The following WDR72 variants were observed in gnomAD, a reference collection of about 807,000 sequenced individuals.
WDR72 encodes the protein WD repeat-containing protein 72.
Under a neutral mutation model 124.2 loss-of-function variants are expected in WDR72, and 120 were observed. The observed-to-expected ratio is 0.97, with a 90% CI of 0.83 to 1.12. The LOEUF (loss-of-function observed/expected upper bound fraction) is 1.12, where lower values mean the gene tolerates loss of function less well. Among genes scored for constraint, WDR72 ranks in the 50% most tolerant of loss-of-function variants. The pLI is 0.00. For synonymous variants in WDR72, 452 were observed against 441.7 expected (o/e 1.02, Z -0.29); for missense variants, 1,387 against 1,278.8 (o/e 1.08, Z -1.29).
At chr15:53,582,120 C>T (rs1032707228) in intron 18 of WDR72, among the ~76,000 whole-genome samples, 1 of 151,956 alleles carries the variant, frequency 6.6e-6, no homozygotes, top group Non-Finnish European at 1.5e-5. Flanking sequence ...TACCATTAGT[C>T]ACTCCTGTAT....
intron 14 of WDR72, 63 bp downstream of exon 14, chr15:53,665,509 T>C (rs1459877370): frequency 3.2e-6 from 5 of 1,568,528 alleles, no homozygotes; most frequent in East Asian, 4.5e-5. Flanking sequence ...TATTTATGAA[T>C]GCATATAACT....
intron 17 of WDR72, among the ~76,000 whole-genome samples, chr15:53,599,818 A>C (rs1268347361): frequency 6.6e-6 from 1 of 152,194 alleles, no homozygotes; most frequent in Non-Finnish European, 1.5e-5. Context: ...TTTTAATTTA[A>C]TATTTCTAAT....
chr15:53,699,383 G>A (rs2017097387), intron 13 of WDR72, among the ~76,000 whole-genome samples: 1 of 152,162 alleles, frequency 6.6e-6, no homozygotes, highest in Non-Finnish European at 1.5e-5. Context: ...AGCTCAAAAT[G>A]TTGCTGAGAT....
chr15:53,668,352 T>C (rs1240681459), intron 13 of WDR72, among the ~76,000 whole-genome samples: 2 of 152,208 alleles, frequency 1.3e-5, no homozygotes, highest in Admixed American at 1.3e-4. Context: ...ATAAACTACA[T>C]GTTCAAAGCA....
intron 16 of WDR72, among the ~76,000 whole-genome samples, chr15:53,611,223 CCTTT>C (rs751142725): frequency 2.0e-5 from 3 of 152,210 alleles, no homozygotes; most frequent in Non-Finnish European, 4.4e-5. Context: ...GTCAATACTT[CCTTT>C]CTTTAACCTT....
At chr15:53,631,501 A>C (rs181469393) in intron 14 of WDR72, among the ~76,000 whole-genome samples, 88 of 152,334 alleles carry the variant, frequency 5.8e-4, no homozygotes, top group Admixed American at 2.0e-3. Context: ...TGAAAATGTG[A>C]AAGCAGCTTT....
In WDR72 at chr15:53,699,885, G is replaced by A; in HGVS notation, c.1630C>T (p.Leu544Phe). Reference sequence around the variant, plus strand: ...TGCAGGAGGCAACTCTTTCCCTCAAGGTGAAGGAGAGCCACGGAATGGTCA... The same window carrying A: ...TGCAGGAGGCAACTCTTTCCCTCAAAGTGAAGGAGAGCCACGGAATGGTCA... ...CGDHSVALLH[L>F]EGKSCLLHAR... The change falls in exon 13 of 20, where the codon CTT becomes TTT. Residue 544 changes from leucine (L) to phenylalanine (F), a missense_variant. Physicochemically the swap from Leu to Phe is conservative, Grantham distance 22. Coordinates refer to ENST00000360509, the MANE Select transcript of WDR72 (RefSeq NM_182758.4). 6.2e-7 allele frequency: 1 copy of A among 1,614,120 alleles called. No individual in the cohort carries two copies. Among genetic ancestry groups the A allele is most frequent in the Non-Finnish European group, 8.5e-7 (1 of 1,180,034 alleles).
intron 14 of WDR72, among the ~76,000 whole-genome samples, chr15:53,621,675 A>G (rs1055887051): frequency 5.9e-5 from 9 of 152,102 alleles, no homozygotes; most frequent in African/African-American, 4.8e-5. Flanking sequence ...ATAAAAGACT[A>G]CAAGTGTGTG....
At chr15:53,742,080 C>A (rs1405769063) in intron 1 of WDR72, among the ~76,000 whole-genome samples, 1 of 152,096 alleles carries the variant, frequency 6.6e-6, no homozygotes. Context: ...TGAGAAAGAC[C>A]AAATGAATTG....
intron 19 of WDR72, among the ~76,000 whole-genome samples, chr15:53,520,227 T>C (rs577513478): frequency 6.6e-6 from 1 of 152,208 alleles, no homozygotes; most frequent in South Asian, 2.1e-4. Context: ...GAACTGTGTT[T>C]GCATGGAAAA....
chr15:53,589,150 A>G (rs1308395557), intron 18 of WDR72, among the ~76,000 whole-genome samples: 1 of 151,954 alleles, frequency 6.6e-6, no homozygotes, highest in Non-Finnish European at 1.5e-5. Flanking sequence ...CAAGAGTGAA[A>G]TAACTATCAC....
intron 18 of WDR72, among the ~76,000 whole-genome samples, chr15:53,551,313 CA>C (rs1287240521): frequency 6.1e-4 from 93 of 152,154 alleles, no homozygotes; most frequent in African/African-American, 2.1e-3. Context: ...ATCCTAAATG[CA>C]ATGAGAAGAT....
chr15:53,601,227 T>C (rs1183909398), intron 17 of WDR72, among the ~76,000 whole-genome samples: 1 of 152,000 alleles, frequency 6.6e-6, no homozygotes, highest in Non-Finnish European at 1.5e-5. Flanking sequence ...ATAAAAGGAA[T>C]TGCAACCCAG....
At chr15:53,593,278 T>A (rs1906440) in intron 18 of WDR72, among the ~76,000 whole-genome samples, 125,629 of 152,018 alleles carry the variant, frequency 0.83, 52,147 homozygotes, top group Middle Eastern at 0.94. Flanking sequence ...TGATTTTTAG[T>A]TCAAACTGAT....
chr15:53,578,298 T>C (rs892414499), intron 18 of WDR72, among the ~76,000 whole-genome samples: 1 of 152,050 alleles, frequency 6.6e-6, no homozygotes, highest in African/African-American at 2.4e-5. Context: ...TTAGGTCACT[T>C]AACATATACT....
At chr15:53,693,834 A>G (rs2061599) in intron 13 of WDR72, among the ~76,000 whole-genome samples, 23,736 of 152,158 alleles carry the variant, frequency 0.16, 2,183 homozygotes, top group East Asian at 0.43. Context: ...CTGTACAAAA[A>G]ATGTTTGTTT....
intron 14 of WDR72, among the ~76,000 whole-genome samples, chr15:53,655,971 G>A (rs1402184548): frequency 1.3e-5 from 2 of 152,210 alleles, no homozygotes; most frequent in Non-Finnish European, 2.9e-5. Context: ...GATTACAGGC[G>A]TGAGCCATGG....
In WDR72 at chr15:53,517,759, G is replaced by C; in HGVS notation, c.3254-5C>G. Reference sequence around the variant, plus strand: ...ATGAATGATGCCTTGGCTCACCTAGGAAAAAAGCAGATATCTTGGGTTATA... The same window carrying C: ...ATGAATGATGCCTTGGCTCACCTAGCAAAAAAGCAGATATCTTGGGTTATA... On this transcript the variant is annotated splice_region_variant and splice_polypyrimidine_tract_variant and intron_variant, in intron 19 of 19. Transcript: ENST00000360509. 6.2e-7 allele frequency: 1 copy of C among 1,611,296 alleles called. No homozygotes were observed. The highest frequency in any genetic ancestry group is 2.2e-5 in the East Asian group (1 of 44,694).
At chr15:53,712,168 A>G (rs1476777150) in intron 7 of WDR72, among the ~76,000 whole-genome samples, 1 of 152,250 alleles carries the variant, frequency 6.6e-6, no homozygotes, top group Admixed American at 6.5e-5. Context: ...CTAAATATTC[A>G]TTGTTATTAT....
Sources: allele counts gnomAD v4.1 joint callset (sites outside exome capture counted in the v4.1 genomes callset), GRCh38; gene constraint gnomAD v4.1.1; transcripts MANE v1.5; gene names NCBI Gene and HGNC (gene_info 2026-07-23, HGNC 2026-07-21).